AARS1: variants seen among roughly 807,000 people sequenced by gnomAD.
AARS1 encodes alanyl-tRNA synthetase 1.
In AARS1, 72 loss-of-function variants were observed where a neutral mutation model predicts 108.9. The ratio of observed to expected loss-of-function variants is 0.66; its 90% CI spans 0.55 to 0.80. The LOEUF is 0.80. Ranked by LOEUF, AARS1 falls within the 30% of genes least tolerant of loss-of-function variation. The pLI, the probability that AARS1 is intolerant of heterozygous loss-of-function variation, is 0.00. For synonymous variants in AARS1, 489 were observed against 465.7 expected (o/e 1.05, Z -0.64); for missense variants, 1,193 against 1,233.2 (o/e 0.97, Z 0.49).
At chr16:70,276,944 G>T (rs375377333) in intron 3 of AARS1, 22 bp downstream of exon 3, 12 of 1,613,554 alleles carry the variant, frequency 7.4e-6, no homozygotes, top group Non-Finnish European at 9.3e-6. Context: ...AAACCCTAGT[G>T]GTTCTTCTGC....
rs1438723199 is a variant in AARS1, at chr16:70,252,349, G to C, written c.*372C>G. On this transcript the variant is annotated 3_prime_UTR_variant, in exon 21 of 21. Transcript: ENST00000261772. ...ACGCCAAAGGCTGTCAAAAGAGCCA[G>C]CCCCTATTGGGAAGAGGGATAGAGA... The C allele has an allele frequency of 2.8e-6, 1 of 356,134 alleles. No homozygotes were observed. The highest frequency in any genetic ancestry group is 3.0e-5 in the South Asian group (1 of 33,804). The allele number at this position is 356,134 out of a possible 1,614,324, so 22.1% of individuals were successfully genotyped here.
chr16:70,285,101 T>A (rs1056440512), intron 1 of AARS1, among the ~76,000 whole-genome samples: 1 of 151,756 alleles, frequency 6.6e-6, no homozygotes, highest in Non-Finnish European at 1.5e-5. Context: ...TGATGGCGAG[T>A]GCCTGTAATC....
intron 19 of AARS1, 27 bp from the exon 20 acceptor site, chr16:70,253,408 C>T (rs770268652): frequency 3.2e-6 from 5 of 1,564,250 alleles, no homozygotes; most frequent in East Asian, 2.2e-5. Flanking sequence ...GCTCAGGCCA[C>T]GGTGCTGGAG....
At chr16:70,285,435 A>T (rs1260754261) in intron 1 of AARS1, among the ~76,000 whole-genome samples, 7 of 151,812 alleles carry the variant, frequency 4.6e-5, no homozygotes, top group Admixed American at 3.3e-4. Context: ...GCACACCAGC[A>T]TGCCCAGTTA....
rs56394253 is a variant in AARS1, at chr16:70,269,322, G to GAAAAAAAAAAAAAAAAAAAAA, written c.962+275_962+295dup. Reference sequence around the variant, plus strand: ...GCAACAAAAGCAAAATTCTGTCTCAGAAAAAAAAAAAAAAAAAAAAAAAAA... The same window carrying GAAAAAAAAAAAAAAAAAAAAA: ...GCAACAAAAGCAAAATTCTGTCTCAGAAAAAAAAAAAAAAAAAAAAAAAAAAAAAAAAAAAAAAAAAAAAAA... On this transcript the variant is annotated intron_variant, in intron 7 of 20. Transcript: ENST00000261772. Among the ~76,000 whole-genome samples the GAAAAAAAAAAAAAAAAAAAAA allele has an allele frequency of 9.3e-5, 6 of 64,268 alleles. 1 individual carries two copies. Among genetic ancestry groups the GAAAAAAAAAAAAAAAAAAAAA allele is most frequent in the African/African-American group, 3.3e-4 (5 of 15,194 alleles). The allele number at this position is 64,268 out of a possible 152,430, so 42.2% of individuals were successfully genotyped here. A position where few individuals can be genotyped will look rare whatever the true frequency, so the allele number is the denominator to read the frequency against.
chr16:70,253,147 A>G, intron 20 of AARS1, 121 bp downstream of exon 20: 1 of 922,986 alleles, frequency 1.1e-6, no homozygotes, highest in Non-Finnish European at 1.7e-6. Context: ...GGTAAGGGGT[A>G]CTGGCAAAGG....
chr16:70,280,143 T>C (rs1442235756), intron 2 of AARS1, among the ~76,000 whole-genome samples: 1 of 152,106 alleles, frequency 6.6e-6, no homozygotes, highest in Non-Finnish European at 1.5e-5. Flanking sequence ...TCTCCAACTC[T>C]TGGGCTCAAG....
intron 13 of AARS1, among the ~76,000 whole-genome samples, chr16:70,259,530 T>C (rs1055921971): frequency 6.6e-6 from 1 of 152,140 alleles, no homozygotes. Flanking sequence ...TCACCCAGGA[T>C]AGAGTACAGC....
Position 70,281,567 on chromosome 16 carries a change from A to G in AARS1, c.144+1053T>C, listed in dbSNP as rs767356735. On this transcript the variant is annotated intron_variant, in intron 2 of 20. Transcript: ENST00000261772. ...TGTAGTTCCAGCTACTTCGGAGGCC[A>G]AGGCAGGAGAATCGCTTGAACTCGG... Among the ~76,000 whole-genome samples, 32 of 152,286 alleles carry G rather than the reference A, an allele frequency of 2.1e-4. 1 individual carries two copies. The highest frequency in any genetic ancestry group is 8.3e-4 in the South Asian group (4 of 4,828).
chr16:70,253,059 G>A (rs565499029), intron 20 of AARS1, among the ~76,000 whole-genome samples, 153 bp from the exon 21 acceptor site: 34 of 152,334 alleles, frequency 2.2e-4, no homozygotes, highest in African/African-American at 4.1e-4. Context: ...TACAGGGGGC[G>A]GCCATGGCCA....
intron 13 of AARS1, 66 bp from the exon 14 acceptor site, chr16:70,259,252 G>A: frequency 1.3e-6 from 2 of 1,492,006 alleles, no homozygotes; most frequent in Non-Finnish European, 1.9e-6. Flanking sequence ...CTCGTTATCT[G>A]CTCCCCCGAG....
rs182651209 is a variant in AARS1, at chr16:70,260,864, G to A, written c.1785+180C>T. 1.5e-4 allele frequency among the ~76,000 whole-genome samples: 23 copies of A among 152,084 alleles called. No individual in the cohort carries two copies. In the East Asian group the frequency reaches 1.9e-3, roughly 13 times the overall value. On this transcript the variant is annotated intron_variant, in intron 13 of 20. Transcript: ENST00000261772. ...TTTTTAGTAGAGACGGGGTTTCACC[G>A]TGTTAGCCAGGATGGTCTCGATCTC...
intron 5 of AARS1, 61 bp from the exon 6 acceptor site, chr16:70,270,401 C>T (rs1476048756): frequency 3.1e-6 from 5 of 1,598,410 alleles, no homozygotes; most frequent in Non-Finnish European, 4.3e-6. Context: ...CTCTCCAGTC[C>T]CTGCTGGTTA....
rs1026131134 is a variant in AARS1 at position 70,289,478 on chromosome 16, T to A, written c.-79A>T. 1 of 436,898 alleles carries A rather than the reference T, an allele frequency of 2.3e-6. No individual in the cohort carries two copies. The highest frequency in any genetic ancestry group is 7.0e-5 in the East Asian group (1 of 14,196). 27.1% of individuals were successfully genotyped at this position (436,898 alleles called of 1,614,324 possible). On this transcript the variant is annotated 5_prime_UTR_variant, in exon 1 of 21. Coordinates refer to ENST00000261772, the MANE Select transcript of AARS1 (RefSeq NM_001605.3). The stretch of plus-strand genomic sequence containing the variant: ...TCAGAGTCCCCCGCCAAGGGCCCGC[T>A]GCACCTATTCCCGCAGACGCGCAGC...
At position 70,252,672 on chromosome 16, in the gene AARS1, A is replaced by C. The variant is rs1372110921; in HGVS notation, c.*49T>G. ...TCAAATGTTCTTGTAGCAGATGAAG[A>C]GCTCTTGGCTGGACGGATGGATCCA... is the stretch of plus-strand genomic sequence containing the variant. On this transcript the variant is annotated 3_prime_UTR_variant, in exon 21 of 21. Coordinates refer to ENST00000261772, the MANE Select transcript of AARS1 (RefSeq NM_001605.3). 3 of 1,596,258 alleles carry C rather than the reference A, an allele frequency of 1.9e-6. No individual in the cohort carries two copies. The highest frequency in any genetic ancestry group is 2.6e-6 in the Non-Finnish European group (3 of 1,165,510).
In AARS1 at chr16:70,253,769, C is replaced by T. The variant is rs368011194; in HGVS notation, c.2552G>A (p.Ser851Asn). The T allele has an allele frequency of 2.1e-5, 34 of 1,614,068 alleles. No homozygotes were observed. The highest frequency in any genetic ancestry group is 5.3e-5 in the African/African-American group (4 of 74,956). ...GATGACAAGAGGCTGGTTGGGGTTG[C>T]TGTCGATGAACTGCTTCGTCTTCTC... ...VLEKTKQFID[S>N]NPNQPLVILE... Residue 851 changes from serine (S) to asparagine (N), a missense_variant, in exon 19 of 21, where the codon AGC (serine) becomes AAC (asparagine). Physicochemically the swap from Ser to Asn is conservative, Grantham distance 46. Transcript: ENST00000261772.
Position 70,262,996 on chromosome 16 carries a change from A to AAAAAAAAC in AARS1, c.1493-473_1493-472insGTTTTTTT, listed in dbSNP as rs1555540563. ...AAAAAAAAAAAAAAAAAAAAAAAAAAAACAACAACAACAAAGGGCTTCGCA... is the reference window on the plus strand; with the variant it reads ...AAAAAAAAAAAAAAAAAAAAAAAAAAAAAAAAACAACAACAACAACAAAGGGCTTCGCA... On this transcript the variant is annotated intron_variant, in intron 11 of 20. Transcript: ENST00000261772. 2.5e-3 allele frequency among the ~76,000 whole-genome samples: 322 copies of AAAAAAAAC among 128,978 alleles called. 6 individuals are homozygous for AAAAAAAAC. Among genetic ancestry groups the AAAAAAAAC allele is most frequent in the Non-Finnish European group, 3.4e-3 (216 of 63,416 alleles). 84.6% of individuals were successfully genotyped at this position (128,978 alleles called of 152,430 possible).
chr16:70,258,543 A>C (rs945767427), intron 14 of AARS1, among the ~76,000 whole-genome samples: 6 of 152,128 alleles, frequency 3.9e-5, no homozygotes, highest in African/African-American at 1.4e-4. Flanking sequence ...GCAAAAGCAC[A>C]GATGGAGAAT....
In AARS1 at chr16:70,252,477, T is replaced by C. The variant is rs760442616; in HGVS notation, c.*244A>G. The C allele has an allele frequency of 1.4e-5, 8 of 568,366 alleles. No individual in the cohort carries two copies. Among genetic ancestry groups the C allele is most frequent in the Admixed American group, 3.0e-5 (1 of 32,886 alleles). 35.2% of individuals were successfully genotyped at this position (568,366 alleles called of 1,614,324 possible). A position where few individuals can be genotyped will look rare whatever the true frequency, so the allele number is the denominator to read the frequency against. ...CTCAGGTCTGGAGAGCCGTTATCTA[T>C]AGATGCGAGCGTGACGATCAACAGC... is the stretch of plus-strand genomic sequence containing the variant. On this transcript the variant is annotated 3_prime_UTR_variant, in exon 21 of 21. Coordinates refer to ENST00000261772, the MANE Select transcript of AARS1 (RefSeq NM_001605.3).
Sources: gnomAD v4.1 joint callset for allele counts (sites outside exome capture counted in the v4.1 genomes callset) on GRCh38, gnomAD v4.1.1 for gene constraint, MANE v1.5 for transcripts, NCBI Gene and HGNC (gene_info 2026-07-23, HGNC 2026-07-21) for gene names.